Variants in LAMA2 observed in about 807,000 individuals in gnomAD.
LAMA2 encodes the protein laminin subunit alpha-2.
LAMA2 carries 269 observed loss-of-function variants against 364.8 expected under a neutral mutation model. The ratio of observed to expected loss-of-function variants is 0.74; its 90% CI spans 0.67 to 0.82. LAMA2 has a LOEUF of 0.82. Ranked by LOEUF, LAMA2 falls within the 40% of genes least tolerant of loss-of-function variation. LAMA2 has a pLI of 0.00. For synonymous variants in LAMA2, 1,379 were observed against 1,370.6 expected (o/e 1.01, Z -0.14); for missense variants, 3,807 against 3,873.2 (o/e 0.98, Z 0.45).
At chr6:128,971,392 A>G (rs745409379) in intron 1 of LAMA2, among the ~76,000 whole-genome samples, 9 of 152,168 alleles carry the variant, frequency 5.9e-5, no homozygotes, top group East Asian at 1.9e-4. Context: ...AAACAAATGA[A>G]TAATTATATA....
chr6:129,502,222 T>C (rs1399132814), intron 58 of LAMA2, among the ~76,000 whole-genome samples: 2 of 152,110 alleles, frequency 1.3e-5, no homozygotes, highest in Non-Finnish European at 2.9e-5. Flanking sequence ...AAAAGTAATA[T>C]AGTGGGAGAT....
At chr6:129,186,487 G>GTATT (rs60517505) in intron 10 of LAMA2, among the ~76,000 whole-genome samples, 48,816 of 150,598 alleles carry the variant, frequency 0.32, 10,856 homozygotes, top group African/African-American at 0.65. Context: ...TTTACTGTGT[G>GTATT]TATTTATTTA....
At position 129,383,323 on chromosome 6, in the gene LAMA2, A is replaced by G. The variant is rs1054679807; in HGVS notation, c.5071+90A>G. The G allele has an allele frequency of 5.0e-6, 5 of 995,212 alleles. No homozygotes were observed. The African/African-American group carries it at 7.9e-5, about 16-fold the overall frequency. 61.6% of individuals were successfully genotyped at this position (995,212 alleles called of 1,614,324 possible). On this transcript the variant is annotated intron_variant, in intron 35 of 64. Coordinates refer to ENST00000421865, the MANE Select transcript of LAMA2 (RefSeq NM_000426.4). ...ACAGGACTGGAATTTCTCTTGTTAT[A>G]AGTGACATCTGTAAAATCAAAGGTA...
intron 1 of LAMA2, among the ~76,000 whole-genome samples, chr6:128,982,214 T>A (rs1369827514): frequency 6.6e-6 from 1 of 152,190 alleles, no homozygotes; most frequent in East Asian, 1.9e-4. Context: ...GAAAATGAGA[T>A]AAAACTAACC....
At chr6:128,987,842 A>AAT (rs1783364737) in intron 1 of LAMA2, among the ~76,000 whole-genome samples, 1 of 152,124 alleles carries the variant, frequency 6.6e-6, no homozygotes, top group Non-Finnish European at 1.5e-5. Flanking sequence ...CATATGACAG[A>AAT]ATACCTTGCC....
intron 15 of LAMA2, 100 bp from the exon 16 acceptor site, chr6:129,267,000 AGTTTCC>A: frequency 1.3e-6 from 1 of 790,278 alleles, no homozygotes; most frequent in Admixed American, 1.7e-5. Flanking sequence ...ACATTTGATG[AGTTTCC>A]TACCTGTTAT....
intron 4 of LAMA2, among the ~76,000 whole-genome samples, chr6:129,137,279 A>G (rs550337299): frequency 2.6e-5 from 4 of 152,218 alleles, no homozygotes; most frequent in Admixed American, 1.3e-4. Flanking sequence ...ACCTTTATTA[A>G]AGACCTTCCA....
intron 4 of LAMA2, among the ~76,000 whole-genome samples, chr6:129,102,130 C>CTTTTTTTTT (rs10713380): frequency 7.7e-6 from 1 of 130,362 alleles, no homozygotes; most frequent in Non-Finnish European, 1.6e-5. Context: ...TTCTTTCTTT[C>CTTTTTTTTT]TTTTTTTTTT....
chr6:129,077,514 C>T (rs1221117601), intron 3 of LAMA2, among the ~76,000 whole-genome samples: 1 of 152,044 alleles, frequency 6.6e-6, no homozygotes, highest in Non-Finnish European at 1.5e-5. Flanking sequence ...TAACAGATCT[C>T]CATCAGCTGC....
At position 129,416,279 on chromosome 6, in the gene LAMA2, G is replaced by A. The variant is rs139644749; in HGVS notation, c.5866-11473G>A. Among the ~76,000 whole-genome samples, 463 of 152,126 alleles carry A rather than the reference G, an allele frequency of 3.0e-3. 3 individuals carry two copies. Among genetic ancestry groups the A allele is most frequent in the African/African-American group, 8.9e-3 (368 of 41,506 alleles). ...TCTTTGATCAACTTCTTTTTACTCC[G>A]TCATAGTTTTATTCCCCACCAATCT... On this transcript the variant is annotated intron_variant, in intron 40 of 64. Coordinates refer to ENST00000421865, the MANE Select transcript of LAMA2 (RefSeq NM_000426.4).
chr6:129,354,513 G>A (rs1475822051), intron 32 of LAMA2, among the ~76,000 whole-genome samples: 1 of 151,942 alleles, frequency 6.6e-6, no homozygotes, highest in Non-Finnish European at 1.5e-5. Flanking sequence ...AATTAAAGAA[G>A]TAGACTATCA....
At chr6:129,509,151 C>G (rs1337176925) in intron 62 of LAMA2, among the ~76,000 whole-genome samples, 1 of 152,126 alleles carries the variant, frequency 6.6e-6, no homozygotes, top group East Asian at 1.9e-4. Context: ...TGAATATCTT[C>G]TTTTGAGAAA....
chr6:129,375,392 A>G (rs920911102), intron 34 of LAMA2, among the ~76,000 whole-genome samples: 3 of 152,148 alleles, frequency 2.0e-5, no homozygotes, highest in Non-Finnish European at 4.4e-5. Context: ...AAAATTTTTT[A>G]AAGACTTGGA....
chr6:129,146,971 G>A lies in LAMA2; in HGVS notation c.832G>A (p.Val278Ile). The change falls in exon 6 of 65, where the codon GTC (valine) becomes ATC (isoleucine). Residue 278 changes from valine (V) to isoleucine (I), a missense_variant. Coordinates refer to ENST00000421865, the MANE Select transcript of LAMA2 (RefSeq NM_000426.4). ...PIVTRRYYYS[V>I]KDISVGGMCI... ...TTGCTTTTTGCAGTATTACTACTCG[G>A]TCAAGGATATTTCAGTTGGAGGGAT... is the stretch of plus-strand genomic sequence containing the variant. 1 of 1,609,266 alleles carries A rather than the reference G, an allele frequency of 6.2e-7. No homozygotes were observed. The highest frequency in any genetic ancestry group is 8.5e-7 in the Non-Finnish European group (1 of 1,175,818).
chr6:129,172,122 G>A (rs1464082276), intron 9 of LAMA2, among the ~76,000 whole-genome samples: 55 of 151,200 alleles, frequency 3.6e-4, no homozygotes, highest in African/African-American at 1.3e-3. Context: ...TGGTTTGAAT[G>A]TCCTCCCGTA....
chr6:129,428,848 A>G (rs1186486610), intron 41 of LAMA2, among the ~76,000 whole-genome samples: 1 of 152,222 alleles, frequency 6.6e-6, no homozygotes, highest in Non-Finnish European at 1.5e-5. Context: ...ATCATTAAAC[A>G]TGGCTGCTCT....
intron 30 of LAMA2, among the ~76,000 whole-genome samples, chr6:129,343,853 T>C (rs765345772): frequency 1.6e-4 from 24 of 152,294 alleles, no homozygotes; most frequent in South Asian, 8.3e-4. Context: ...GCATGTATAA[T>C]GGGTCTTAAA....
rs915038815 is a variant in LAMA2 at position 128,987,853 on chromosome 6, A to T, written c.113-62065A>T. Among the ~76,000 whole-genome samples the T allele has an allele frequency of 4.5e-4, 69 of 152,126 alleles. 1 individual carries two copies. Among genetic ancestry groups the T allele is most frequent in the African/African-American group, 1.4e-3 (56 of 41,428 alleles). ...GAAACATATGACAGAATACCTTGCC[A>T]TAGTGGCTACTCAGCATGTAAGTTT... On this transcript the variant is annotated intron_variant, in intron 1 of 64. Coordinates refer to ENST00000421865, the MANE Select transcript of LAMA2 (RefSeq NM_000426.4).
In LAMA2 at chr6:129,442,150, T is replaced by C. The variant is rs537388547; in HGVS notation, c.6269-913T>C. On this transcript the variant is annotated intron_variant, in intron 43 of 64. Coordinates refer to ENST00000421865, the MANE Select transcript of LAMA2 (RefSeq NM_000426.4). Reference sequence around the variant, plus strand: ...AGTATAAAAACAAAAGCACTGTAATTGGTATTATATGCCATAAAATTCAAA... The same window carrying C: ...AGTATAAAAACAAAAGCACTGTAATCGGTATTATATGCCATAAAATTCAAA... 4.5e-5 allele frequency: 53 copies of C among 1,184,248 alleles called. No homozygotes were observed. In the South Asian group the frequency reaches 6.5e-4, roughly 15 times the overall value. 73.4% of individuals were successfully genotyped at this position (1,184,248 alleles called of 1,614,324 possible). A position where few individuals can be genotyped will look rare whatever the true frequency, so the allele number is the denominator to read the frequency against.
Sources: allele counts gnomAD v4.1 joint callset (sites outside exome capture counted in the v4.1 genomes callset), GRCh38; gene constraint gnomAD v4.1.1; transcripts MANE v1.5; gene names NCBI Gene and HGNC (gene_info 2026-07-23, HGNC 2026-07-21).